The following ARHGEF35 variants were observed in gnomAD, a reference collection of about 807,000 sequenced individuals.
ARHGEF35 encodes Rho guanine nucleotide exchange factor 35.
For synonymous variants in ARHGEF35, 47 were observed against 170.4 expected, an observed-to-expected ratio of 0.28 and a Z score of 5.64; for missense variants, 114 against 449.7, an observed-to-expected ratio of 0.25 and a Z score of 6.75.
chr7:144,190,193 T>A (rs2051989155), intron 1 of ARHGEF35, among the ~76,000 whole-genome samples: 1 of 110,600 alleles, frequency 9.0e-6, no homozygotes, highest in Admixed American at 9.6e-5. Context: ...GTAGCATTTA[T>A]ACAATTATAA....
Position 144,186,904 on chromosome 7 carries a change from T to G in ARHGEF35, c.*25A>C. On this transcript the variant is annotated 3_prime_UTR_variant, in exon 2 of 2. Coordinates refer to ENST00000378115, the MANE Select transcript of ARHGEF35 (RefSeq NM_001003702.3). ...GGAAAAATTTAAAAATACATTGAAC[T>G]GGATAAACATGAAACTGTGACATAT... 1 of 1,402,600 alleles carries G rather than the reference T, an allele frequency of 7.1e-7. No individual in the cohort carries two copies. Among genetic ancestry groups the G allele is most frequent in the Non-Finnish European group, 9.6e-7 (1 of 1,040,104 alleles). The allele number at this position is 1,402,600 out of a possible 1,614,324, so 86.9% of individuals were successfully genotyped here. A position where few individuals can be genotyped will look rare whatever the true frequency, so the allele number is the denominator to read the frequency against.
chr7:144,193,838 A>C (rs1193713895), intron 1 of ARHGEF35, among the ~76,000 whole-genome samples: 88 of 144,992 alleles, frequency 6.1e-4, no homozygotes, highest in African/African-American at 2.2e-3. Context: ...CATTAGTGTG[A>C]GTGACGTGTT....
intron 1 of ARHGEF35, among the ~76,000 whole-genome samples, chr7:144,192,177 C>A (rs1026726117): frequency 1.7e-5 from 2 of 118,636 alleles, no homozygotes; most frequent in African/African-American, 7.2e-5. Flanking sequence ...CTGGTCCAGG[C>A]TTAAACTGAA....
rs1410577576 is a variant in ARHGEF35, at chr7:144,186,301, A to C, written c.*628T>G. ...AAAGTAACTTTATGCTTAATTTAAT[A>C]AATTTTCATTGATTTTTTTTAAAAA... On this transcript the variant is annotated 3_prime_UTR_variant, in exon 2 of 2. Coordinates refer to ENST00000378115, the MANE Select transcript of ARHGEF35 (RefSeq NM_001003702.3). 5.6e-6 allele frequency: 1 copy of C among 178,022 alleles called. No homozygotes were observed. The highest frequency in any genetic ancestry group is 1.2e-5 in the Non-Finnish European group (1 of 84,678). 11.0% of individuals were successfully genotyped at this position (178,022 alleles called of 1,614,324 possible). A position where few individuals can be genotyped will look rare whatever the true frequency, so the allele number is the denominator to read the frequency against.
intron 1 of ARHGEF35, among the ~76,000 whole-genome samples, chr7:144,189,829 T>C (rs2051985339): frequency 8.1e-6 from 1 of 123,416 alleles, no homozygotes; most frequent in East Asian, 2.3e-4. Context: ...TTTTTTGAGA[T>C]GGAGTCTTGC....
intron 1 of ARHGEF35, among the ~76,000 whole-genome samples, chr7:144,191,327 A>T (rs2052000249): frequency 8.9e-6 from 1 of 112,220 alleles, no homozygotes; most frequent in Non-Finnish European, 1.8e-5. Context: ...ACCTGTCACC[A>T]TCTGTCCCTG....
chr7:144,189,543 TGACTA>T (rs904677409), intron 1 of ARHGEF35, among the ~76,000 whole-genome samples: 1 of 91,886 alleles, frequency 1.1e-5, no homozygotes, highest in Non-Finnish European at 2.1e-5. Context: ...ATCTTTCAAA[TGACTA>T]GAAGGAGTTG....
chr7:144,191,354 C>CCCCCCCCCCCCCCT (rs2052001467), intron 1 of ARHGEF35, among the ~76,000 whole-genome samples: 1 of 69,612 alleles, frequency 1.4e-5, no homozygotes, highest in African/African-American at 5.6e-5. Context: ...TCCCCCCCCC[C>CCCCCCCCCCCCCCT]CCCACTGGCT....
At position 144,186,639 on chromosome 7, in the gene ARHGEF35, C is replaced by T. The variant is rs2051954979; in HGVS notation, c.*290G>A. ...TACAGAATATTCCACACAGTAACAG[C>T]AGAATACACATATTTTTTTTGAGTG... On this transcript the variant is annotated 3_prime_UTR_variant, in exon 2 of 2. Transcript: ENST00000378115. 7.6e-6 allele frequency: 2 copies of T among 262,300 alleles called. No homozygotes were observed. The highest frequency in any genetic ancestry group is 1.4e-5 in the Non-Finnish European group (2 of 143,368). The allele number at this position is 262,300 out of a possible 1,614,324, so 16.2% of individuals were successfully genotyped here. A position where few individuals can be genotyped will look rare whatever the true frequency, so the allele number is the denominator to read the frequency against.
rs1191413913 is a variant in ARHGEF35, at chr7:144,188,519, AG to A, written c.-12-125del. 5.5e-4 allele frequency: 87 copies of A among 158,400 alleles called. 2 individuals carry two copies. The African/African-American group carries it at 8.7e-3, about 16-fold the overall frequency. 9.8% of individuals were successfully genotyped at this position (158,400 alleles called of 1,614,324 possible). A position where few individuals can be genotyped will look rare whatever the true frequency, so the allele number is the denominator to read the frequency against. Reference sequence around the variant, plus strand: ...ATTTAGGGTCATTCTTTGAGACAACAGGTTCTCAACAAAATAAGCAATAGCC... The same window carrying A: ...ATTTAGGGTCATTCTTTGAGACAACAGTTCTCAACAAAATAAGCAATAGCC... On this transcript the variant is annotated intron_variant, in intron 1 of 1. Coordinates refer to ENST00000378115, the MANE Select transcript of ARHGEF35 (RefSeq NM_001003702.3).
Position 144,186,330 on chromosome 7 carries a change from A to G in ARHGEF35, c.*599T>C, listed in dbSNP as rs1226650942. ...TTTCATTGATTTTTTTTAAAAAAAG[A>G]AAACTGAAAGGAGATATAGATGAAT... is the stretch of plus-strand genomic sequence containing the variant. On this transcript the variant is annotated 3_prime_UTR_variant, in exon 2 of 2. Coordinates refer to ENST00000378115, the MANE Select transcript of ARHGEF35 (RefSeq NM_001003702.3). 1 of 180,020 alleles carries G rather than the reference A, an allele frequency of 5.6e-6. No homozygotes were observed. Among genetic ancestry groups the G allele is most frequent in the African/African-American group, 2.6e-5 (1 of 38,654 alleles). The allele number at this position is 180,020 out of a possible 1,614,324, so 11.2% of individuals were successfully genotyped here.
intron 1 of ARHGEF35, among the ~76,000 whole-genome samples, chr7:144,193,851 TG>T (rs1157851940): frequency 9.7e-5 from 14 of 144,954 alleles, no homozygotes; most frequent in Admixed American, 6.0e-4. Flanking sequence ...GACGTGTTTG[TG>T]TATTAACATA....
In ARHGEF35 at chr7:144,186,925, C is replaced by A. The variant is rs1218374712; in HGVS notation, c.*4G>T. On this transcript the variant is annotated 3_prime_UTR_variant, in exon 2 of 2. Coordinates refer to ENST00000378115, the MANE Select transcript of ARHGEF35 (RefSeq NM_001003702.3). ...GAACTGGATAAACATGAAACTGTGA[C>A]ATATCAAAGTACTGATAGAAGTTTT... 5 of 1,474,730 alleles carry A rather than the reference C, an allele frequency of 3.4e-6. 1 individual carries two copies. The African/African-American group carries it at 7.3e-5, about 22-fold the overall frequency. 91.4% of individuals were successfully genotyped at this position (1,474,730 alleles called of 1,614,324 possible). A position where few individuals can be genotyped will look rare whatever the true frequency, so the allele number is the denominator to read the frequency against.
Position 144,186,819 on chromosome 7 carries a change from T to A in ARHGEF35, c.*110A>T. 3.1e-6 allele frequency: 3 copies of A among 973,158 alleles called. No individual in the cohort carries two copies. The East Asian group carries it at 7.8e-5, about 25-fold the overall frequency. 60.3% of individuals were successfully genotyped at this position (973,158 alleles called of 1,614,324 possible). ...AGCATAAGAAAGATATGAAAATCCC[T>A]AAACATTTGGAAATTTAAAAACACA... On this transcript the variant is annotated 3_prime_UTR_variant, in exon 2 of 2. Coordinates refer to ENST00000378115, the MANE Select transcript of ARHGEF35 (RefSeq NM_001003702.3).
In ARHGEF35 at chr7:144,187,337, CA is replaced by C. The variant is rs748330503; in HGVS notation, c.1046del (p.Leu349TrpfsTer7). 2.5e-5 allele frequency: 35 copies of C among 1,401,508 alleles called. 8 individuals are homozygous for C. Among genetic ancestry groups the C allele is most frequent in the Non-Finnish European group, 3.3e-5 (34 of 1,020,586 alleles). The allele number at this position is 1,401,508 out of a possible 1,614,324, so 86.8% of individuals were successfully genotyped here. On this transcript the variant is annotated frameshift_variant, in exon 2 of 2. Transcript: ENST00000378115. LOFTEE classifies it low-confidence loss of function (END_TRUNC). ...DSQDEKSQTF[L>X]GKSEEVTGKQ... Reference sequence around the variant, plus strand: ...TTCCAGTTACTTCCTCTGATTTTCCCAAAAAGGTTTGACTCTTTTCGTCCTG... The same window carrying C: ...TTCCAGTTACTTCCTCTGATTTTCCCAAAAGGTTTGACTCTTTTCGTCCTG...
rs1186994483 is a variant in ARHGEF35 at position 144,186,784 on chromosome 7, A to G, written c.*145T>C. Reference sequence around the variant, plus strand: ...ACCAGAAATCATTGTAGGGAATCCAATTGGAAATCAGCATAAGAAAGATAT... The same window carrying G: ...ACCAGAAATCATTGTAGGGAATCCAGTTGGAAATCAGCATAAGAAAGATAT... On this transcript the variant is annotated 3_prime_UTR_variant, in exon 2 of 2. Coordinates refer to ENST00000378115, the MANE Select transcript of ARHGEF35 (RefSeq NM_001003702.3). The G allele has an allele frequency of 1.4e-4, 105 of 737,564 alleles. 6 individuals carry two copies. The highest frequency in any genetic ancestry group is 1.9e-4 in the Non-Finnish European group (90 of 479,264). 45.7% of individuals were successfully genotyped at this position (737,564 alleles called of 1,614,324 possible).
intron 1 of ARHGEF35, among the ~76,000 whole-genome samples, chr7:144,192,274 C>T (rs2052011159): frequency 2.3e-5 from 2 of 85,598 alleles, no homozygotes; most frequent in South Asian, 8.8e-4. Flanking sequence ...CACACACACA[C>T]ACACTGAGCC....
At chr7:144,188,504 ATTC>A (rs201746564) in intron 1 of ARHGEF35, 109 bp from the exon 2 acceptor site, 14,915 of 210,468 alleles carry the variant, frequency 0.071, 1,154 homozygotes, top group East Asian at 0.49. Flanking sequence ...ATTTAGGGTC[ATTC>A]TTTGAGACAA....
rs1268715512 is a variant in ARHGEF35 at position 144,186,240 on chromosome 7, C to T, written c.*689G>A. 16 of 172,572 alleles carry T rather than the reference C, an allele frequency of 9.3e-5. No homozygotes were observed. Among genetic ancestry groups the T allele is most frequent in the Admixed American group, 4.7e-4 (8 of 17,070 alleles). The allele number at this position is 172,572 out of a possible 1,614,324, so 10.7% of individuals were successfully genotyped here. On this transcript the variant is annotated 3_prime_UTR_variant, in exon 2 of 2. Transcript: ENST00000378115. ...TCTAAAGGTTGTGGTGTCTTCATGC[C>T]AAGAACTGTATTCACTGTGGTTGTA...
Sources: allele counts gnomAD v4.1 joint callset (sites outside exome capture counted in the v4.1 genomes callset), GRCh38; gene constraint gnomAD v4.1.1; transcripts MANE v1.5; gene names NCBI Gene and HGNC (gene_info 2026-07-23, HGNC 2026-07-21).